CGREF1: variants seen among roughly 807,000 people sequenced by gnomAD.
The protein encoded by CGREF1 is cell growth regulator with EF-hand domain 1.
CGREF1 carries 16 observed loss-of-function variants against 17.4 expected under a neutral mutation model. That is an observed-to-expected ratio of 0.92 (90% CI 0.62 to 1.40). The LOEUF (loss-of-function observed/expected upper bound fraction) is 1.40, where lower values mean the gene tolerates loss of function less well. CGREF1 is among the 40% of genes most tolerant of loss of function. CGREF1 has a pLI of 0.00. For missense variants in CGREF1, 296 were observed against 376.4 expected (o/e 0.79, Z 1.77); for synonymous variants, 142 against 154.6 (o/e 0.92, Z 0.61).
downstream of CGREF1, chr2:27,100,291 G>C (rs867699815): frequency 8.2e-6 from 4 of 487,566 alleles, no homozygotes; most frequent in South Asian, 5.5e-5. Flanking sequence ...CAGGCCAGTG[G>C]GGGGCAGGGG....
At position 27,101,070 on chromosome 2, in the gene CGREF1, C is replaced by CT. The variant is rs397760386; in HGVS notation, c.*203_*204insA. ...CAGGCTGGACGGGTAGAGAGGTGGC[C>CT]GGGGGGATGAATTCATTCAGTTCTT... On this transcript the variant is annotated 3_prime_UTR_variant, in exon 6 of 6. Coordinates refer to ENST00000402394, the MANE Select transcript of CGREF1 (RefSeq NM_006569.6). 180 of 1,357,122 alleles carry CT rather than the reference C, an allele frequency of 1.3e-4. No homozygotes were observed. The highest frequency in any genetic ancestry group is 2.5e-4 in the African/African-American group (17 of 67,362). 84.1% of individuals were successfully genotyped at this position (1,357,122 alleles called of 1,614,324 possible).
chr2:27,099,946 G>A, downstream of CGREF1: 1 of 1,245,476 alleles, frequency 8.0e-7, no homozygotes, highest in Non-Finnish European at 1.1e-6. Context: ...GAGCCTCAGA[G>A]CAAATAAATC....
In CGREF1 at chr2:27,101,221, C is replaced by G. The variant is rs1023553457; in HGVS notation, c.*53G>C. The G allele has an allele frequency of 3.3e-6, 5 of 1,517,016 alleles. No homozygotes were observed. The African/African-American group carries it at 7.0e-5, about 21-fold the overall frequency. The allele number at this position is 1,517,016 out of a possible 1,614,324, so 94.0% of individuals were successfully genotyped here. On this transcript the variant is annotated 3_prime_UTR_variant, in exon 6 of 6. Transcript: ENST00000402394. The stretch of plus-strand genomic sequence containing the variant: ...CAGCGTACATTTCCCCTGCCCACTT[C>G]AGGGCTTATGTTCTGGCACTGAGAC...
chr2:27,099,672 C>A (rs543317237), downstream of CGREF1: 14 of 1,614,100 alleles, frequency 8.7e-6, no homozygotes, highest in South Asian at 1.4e-4. Context: ...CAGGGAGGAG[C>A]GTGCAGGAAG....
At chr2:27,113,814 C>T (rs1558465186) in intron 1 of CGREF1, among the ~76,000 whole-genome samples, 1 of 152,090 alleles carries the variant, frequency 6.6e-6, no homozygotes, top group East Asian at 1.9e-4. Flanking sequence ...TCTGCACGGC[C>T]CCACAGTGGC....
Position 27,101,043 on chromosome 2 carries a change from G to A in CGREF1, c.*231C>T. The A allele has an allele frequency of 2.3e-6, 3 of 1,331,694 alleles. No homozygotes were observed. The highest frequency in any genetic ancestry group is 2.9e-6 in the Non-Finnish European group (3 of 1,048,268). 82.5% of individuals were successfully genotyped at this position (1,331,694 alleles called of 1,614,324 possible). ...AACCCCGTTCCTCTGAGAGGGTCTG[G>A]GCAGGCTGGACGGGTAGAGAGGTGG... is the stretch of plus-strand genomic sequence containing the variant. On this transcript the variant is annotated 3_prime_UTR_variant, in exon 6 of 6. Transcript: ENST00000402394.
At position 27,101,583 on chromosome 2, in the gene CGREF1, T is replaced by TC. The variant is rs751333818; in HGVS notation, c.647dup (p.Asp217ArgfsTer10). On this transcript the variant is annotated frameshift_variant, in exon 6 of 6. Coordinates refer to ENST00000402394, the MANE Select transcript of CGREF1 (RefSeq NM_006569.6). LOFTEE classifies it low-confidence loss of function (END_TRUNC). ...CTTCCCCTCTGGGCCCTGGAACATCTCCATCAGCCTCTGCCTGGCCCCCAG... is the reference window on the plus strand; with the variant it reads ...CTTCCCCTCTGGGCCCTGGAACATCTCCCATCAGCCTCTGCCTGGCCCCCAG... The TC allele has an allele frequency of 1.2e-6, 2 of 1,612,636 alleles. No individual in the cohort carries two copies. Among genetic ancestry groups the TC allele is most frequent in the Non-Finnish European group, 1.7e-6 (2 of 1,179,712 alleles).
chr2:27,101,173 G>T lies in CGREF1; in HGVS notation c.*101C>A, dbSNP rs1244526324. On this transcript the variant is annotated 3_prime_UTR_variant, in exon 6 of 6. Transcript: ENST00000402394. ...CTGATACCTACTGGGACCAGGCAGG[G>T]GGCACAGAGATGGTCCTTGTCCCAG... 4 of 1,491,688 alleles carry T rather than the reference G, an allele frequency of 2.7e-6. No homozygotes were observed. In the East Asian group the frequency reaches 9.2e-5, roughly 34 times the overall value. 92.4% of individuals were successfully genotyped at this position (1,491,688 alleles called of 1,614,324 possible).
rs1359230845 is a variant in CGREF1 at position 27,101,271 on chromosome 2, G to A, written c.*3C>T. 6.5e-7 allele frequency: 1 copy of A among 1,541,720 alleles called. No homozygotes were observed. Among genetic ancestry groups the A allele is most frequent in the Non-Finnish European group, 8.7e-7 (1 of 1,144,228 alleles). ...CTTCGTGGGGTACCTGTATCTTCAA[G>A]ATCTAGATCTCATCATTCTCCACTT... On this transcript the variant is annotated 3_prime_UTR_variant, in exon 6 of 6. Transcript: ENST00000402394.
At chr2:27,109,885 CAAAAAA>C (rs55824603) in intron 1 of CGREF1, among the ~76,000 whole-genome samples, 2 of 65,822 alleles carry the variant, frequency 3.0e-5, no homozygotes, top group Middle Eastern at 0.012. Flanking sequence ...GACTCCGTCT[CAAAAAA>C]AAAAAAAAAA....
chr2:27,100,365 C>T (rs1670742856), downstream of CGREF1: 1 of 1,178,552 alleles, frequency 8.5e-7, no homozygotes, highest in Non-Finnish European at 1.1e-6. Flanking sequence ...CCAGAAATAC[C>T]TCCTCCCGCT....
chr2:27,109,322 T>G (rs1401912815), intron 1 of CGREF1, among the ~76,000 whole-genome samples: 1 of 149,818 alleles, frequency 6.7e-6, no homozygotes, highest in Non-Finnish European at 1.5e-5. Context: ...CAGTGAGCTC[T>G]GATCACACCA....
At chr2:27,104,505 G>A in intron 1 of CGREF1, 128 bp from the exon 2 acceptor site, 2 of 1,551,360 alleles carry the variant, frequency 1.3e-6, no homozygotes, top group East Asian at 2.4e-5. Flanking sequence ...CAGGACTCCT[G>A]CTCAGGGAGG....
rs1558466980 is a variant in CGREF1, at chr2:27,116,918, TC to T, written c.-12+1927del. On this transcript the variant is annotated intron_variant, in intron 1 of 5. Transcript: ENST00000402394. ...CTCTCTCTCTCTCTCTCTCTCTCTC[TC>T]TCTCTTTTTTTGAGACAGAGTCTCG... Among the ~76,000 whole-genome samples, 637 of 81,546 alleles carry T rather than the reference TC, an allele frequency of 7.8e-3. 42 individuals carry two copies. The highest frequency in any genetic ancestry group is 0.027 in the African/African-American group (539 of 19,668). The allele number at this position is 81,546 out of a possible 152,430, so 53.5% of individuals were successfully genotyped here. A position where few individuals can be genotyped will look rare whatever the true frequency, so the allele number is the denominator to read the frequency against.
At chr2:27,112,014 C>G (rs936777179) in intron 1 of CGREF1, among the ~76,000 whole-genome samples, 3 of 152,238 alleles carry the variant, frequency 2.0e-5, no homozygotes, top group Non-Finnish European at 4.4e-5. Context: ...ACTGTCACCT[C>G]TCACCAGCAC....
In CGREF1 at chr2:27,101,274, C is replaced by T; in HGVS notation, c.957G>A (p.Ter319=). The T allele has an allele frequency of 6.5e-7, 1 of 1,550,040 alleles. No individual in the cohort carries two copies. Among genetic ancestry groups the T allele is most frequent in the Non-Finnish European group, 8.7e-7 (1 of 1,147,546 alleles). The change falls in exon 6 of 6, where the codon TAG becomes TAA. Residue 319 remains the stop codon, a stop_retained_variant. Coordinates refer to ENST00000402394, the MANE Select transcript of CGREF1 (RefSeq NM_006569.6). ...HIVQVENDEI[*] The stretch of plus-strand genomic sequence containing the variant: ...CGTGGGGTACCTGTATCTTCAAGAT[C>T]TAGATCTCATCATTCTCCACTTGAA...
At chr2:27,116,397 C>A (rs898346993) in intron 1 of CGREF1, among the ~76,000 whole-genome samples, 6 of 151,666 alleles carry the variant, frequency 4.0e-5, no homozygotes, top group Non-Finnish European at 5.9e-5. Flanking sequence ...CACAGTGGCA[C>A]GTGCCTGTAA....
chr2:27,099,709 G>GGCAAGAAGTGTGGCCT (rs1670675736), downstream of CGREF1: 2 of 1,614,132 alleles, frequency 1.2e-6, no homozygotes, highest in Non-Finnish European at 1.7e-6. Flanking sequence ...CCAGGTGGCC[G>GGCAAGAAGTGTGGCCT]GCAAGAAGTG....
chr2:27,100,949 G>T lies in CGREF1; in HGVS notation c.*325C>A. ...CAGCCGGCCATGGCTAGCACCATGC[G>T]CTCTGCTGCCGGAGCACCGTGAGGC... On this transcript the variant is annotated 3_prime_UTR_variant, in exon 6 of 6. Coordinates refer to ENST00000402394, the MANE Select transcript of CGREF1 (RefSeq NM_006569.6). 8.8e-7 allele frequency: 1 copy of T among 1,136,452 alleles called. No individual in the cohort carries two copies. The allele number at this position is 1,136,452 out of a possible 1,614,324, so 70.4% of individuals were successfully genotyped here.
Sources: gnomAD v4.1 joint callset for allele counts (sites outside exome capture counted in the v4.1 genomes callset) on GRCh38, gnomAD v4.1.1 for gene constraint, MANE v1.5 for transcripts, NCBI Gene and HGNC (gene_info 2026-07-23, HGNC 2026-07-21) for gene names.